Variants in AMZ1 observed in about 807,000 individuals in gnomAD.
The protein encoded by AMZ1 is archaemetzincin-1.
In AMZ1, 39 loss-of-function variants were observed where a neutral mutation model predicts 29.9. That is an observed-to-expected ratio of 1.30 (90% CI 1.01 to 1.70). AMZ1 has a LOEUF of 1.70. Among genes scored for constraint, AMZ1 ranks in the 40% most tolerant of loss-of-function variants. AMZ1 has a pLI of 0.00. For synonymous variants in AMZ1, 458 were observed against 304.0 expected (o/e 1.51, Z -5.27); for missense variants, 1,041 against 680.6 (o/e 1.53, Z -5.89).
intron 1 of AMZ1, among the ~76,000 whole-genome samples, chr7:2,681,941 A>G (rs1786897069): frequency 0.013 from 1 of 80 alleles, no homozygotes; most frequent in African/African-American, 0.038. Context: ...AGCCTTGCTG[A>G]GCCCATGGGA....
chr7:2,749,526 G>C (rs1174521703), intron 4 of AMZ1, among the ~76,000 whole-genome samples: 3 of 149,042 alleles, frequency 2.0e-5, no homozygotes, highest in Non-Finnish European at 4.5e-5. Context: ...TAGGGGGAGG[G>C]GGGAGGGATA....
chr7:2,731,536 T>G lies in AMZ1; in HGVS notation n.550+21720T>G, dbSNP rs1434085965. On this transcript the variant is annotated intron_variant and non_coding_transcript_variant, in intron 4 of 4. Transcript: ENST00000489665. The surrounding 1 kb of genome is among the most constrained non-coding windows in gnomAD (Gnocchi z 6.0). The stretch of plus-strand genomic sequence containing the variant: ...CTCCACCAGCCGGTTGGTGCGCCTG[T>G]CCTCCATGAGGACCTGGTCGTACTC... 6.2e-7 allele frequency: 1 copy of G among 1,611,576 alleles called. No individual in the cohort carries two copies. The highest frequency in any genetic ancestry group is 8.5e-7 in the Non-Finnish European group (1 of 1,178,186).
chr7:2,731,900 A>T lies in AMZ1; in HGVS notation n.550+22084A>T, dbSNP rs1330557774. 5.8e-6 allele frequency: 3 copies of T among 517,462 alleles called. No individual in the cohort carries two copies. Among genetic ancestry groups the T allele is most frequent in the Non-Finnish European group, 1.0e-5 (3 of 294,156 alleles). 32.1% of individuals were successfully genotyped at this position (517,462 alleles called of 1,614,324 possible). On this transcript the variant is annotated intron_variant and non_coding_transcript_variant, in intron 4 of 4. Coordinates refer to the AMZ1 transcript ENST00000489665. The surrounding 1 kb of genome is among the most constrained non-coding windows in gnomAD (Gnocchi z 6.0). Reference sequence around the variant, plus strand: ...ACCAAAAGCAAATTTCATTTATAACATTATCAACTGGCCGTGAAACAGAAA... The same window carrying T: ...ACCAAAAGCAAATTTCATTTATAACTTTATCAACTGGCCGTGAAACAGAAA...
rs117548800 is a variant in AMZ1, at chr7:2,694,015, C to G, written c.-219+5719C>G. On this transcript the variant is annotated intron_variant, in intron 1 of 6. Coordinates refer to ENST00000683327, the MANE Select transcript of AMZ1 (RefSeq NM_001384743.1). ...TGTTGGAAAACCCCCAGCACAGGGC[C>G]CAGCACCCAGGAAGCCCTTGGCAGC... Among the ~76,000 whole-genome samples, 903 of 152,320 alleles carry G rather than the reference C, an allele frequency of 5.9e-3. 8 individuals carry two copies. Among genetic ancestry groups the G allele is most frequent in the Non-Finnish European group, 0.011 (781 of 68,028 alleles).
chr7:2,721,626 G>C (rs796106602), downstream of AMZ1, among the ~76,000 whole-genome samples: 50 of 152,016 alleles, frequency 3.3e-4, no homozygotes, highest in African/African-American at 8.7e-4. Flanking sequence ...TGAGGCAGGA[G>C]AATGGTGTGA....
chr7:2,735,412 G>A (rs904618851), intron 4 of AMZ1, among the ~76,000 whole-genome samples: 4 of 152,144 alleles, frequency 2.6e-5, no homozygotes, highest in African/African-American at 9.7e-5. Flanking sequence ...TGGCACAGAT[G>A]CCCCAGCCAG....
chr7:2,689,268 C>T (rs770224455), intron 1 of AMZ1, among the ~76,000 whole-genome samples: 4 of 152,148 alleles, frequency 2.6e-5, no homozygotes, highest in Non-Finnish European at 5.9e-5. Flanking sequence ...GATGGGGGAG[C>T]ATGAGTGCCC....
chr7:2,752,952 G>C (rs1188033845), intron 4 of AMZ1, among the ~76,000 whole-genome samples: 1 of 152,144 alleles, frequency 6.6e-6, no homozygotes, highest in Non-Finnish European at 1.5e-5. Context: ...GCAATCAAGA[G>C]ACACAACTGT....
chr7:2,709,547 G>T, intron 5 of AMZ1, 93 bp from the exon 6 acceptor site: 9 of 1,515,448 alleles, frequency 5.9e-6, no homozygotes, highest in Non-Finnish European at 7.9e-6. Context: ...GCCTCACCCA[G>T]GTCCTCATTT....
chr7:2,709,099 G>C lies in AMZ1; in HGVS notation c.626G>C (p.Arg209Pro). 1 of 1,598,828 alleles carries C rather than the reference G, an allele frequency of 6.3e-7. No individual in the cohort carries two copies. The highest frequency in any genetic ancestry group is 8.5e-7 in the Non-Finnish European group (1 of 1,172,674). ...GHEVGVCSFA[R>P]FSGEFPKSGP... ...GAAGTGGGCGTCTGCAGCTTCGCCC[G>C]GTTCTCAGGGGAATTCCCGAAGTCG... The change falls in exon 5 of 7, where the codon CGG becomes CCG. Residue 209 changes from arginine (R) to proline (P), a missense_variant. Coordinates refer to ENST00000683327, the MANE Select transcript of AMZ1 (RefSeq NM_001384743.1).
intron 4 of AMZ1, among the ~76,000 whole-genome samples, chr7:2,727,210 T>C (rs1333752550): frequency 6.6e-6 from 1 of 151,820 alleles, no homozygotes; most frequent in African/African-American, 2.4e-5. Flanking sequence ...GCTTTCCGAG[T>C]AGCTAGGATT....
intron 4 of AMZ1, 72 bp from the exon 5 acceptor site, chr7:2,709,003 G>A (rs1788558657): frequency 1.3e-6 from 2 of 1,482,716 alleles, no homozygotes; most frequent in South Asian, 1.4e-5. Context: ...AGAGCATGAG[G>A]TGGGTTTGAC....
At chr7:2,710,858 C>G (rs1453345592) in intron 6 of AMZ1, among the ~76,000 whole-genome samples, 12 of 152,194 alleles carry the variant, frequency 7.9e-5, no homozygotes, top group Admixed American at 7.9e-4. Flanking sequence ...CCTGGTGATG[C>G]CTTGTAAAGG....
chr7:2,750,893 C>T lies in AMZ1; in HGVS notation n.551-13819C>T, dbSNP rs182310157. Among the ~76,000 whole-genome samples the T allele has an allele frequency of 1.4e-3, 208 of 152,130 alleles. 2 individuals carry two copies. The highest frequency in any genetic ancestry group is 4.5e-3 in the African/African-American group (188 of 41,496). ...GAAATAACTGATTAATATGAGGGTG[C>T]GAATGGAAAGGTGGACAGATGGGAA... On this transcript the variant is annotated intron_variant and non_coding_transcript_variant, in intron 4 of 4. Coordinates refer to the AMZ1 transcript ENST00000489665.
upstream of AMZ1, among the ~76,000 whole-genome samples, chr7:2,687,380 A>G (rs1787122724): frequency 6.6e-6 from 1 of 151,932 alleles, no homozygotes; most frequent in South Asian, 2.1e-4. Context: ...CGAATCCCTC[A>G]GCCATCTGTG....
chr7:2,746,373 A>G (rs1159995489), intron 4 of AMZ1, among the ~76,000 whole-genome samples: 2 of 152,060 alleles, frequency 1.3e-5, no homozygotes, highest in Non-Finnish European at 2.9e-5. Context: ...AGAAATCAAA[A>G]CCGCTCAACT....
intron 4 of AMZ1, among the ~76,000 whole-genome samples, chr7:2,748,396 A>G (rs1435847514): frequency 6.6e-6 from 1 of 152,240 alleles, no homozygotes; most frequent in East Asian, 1.9e-4. Context: ...CCTGACAGAA[A>G]CAAGCAATGG....
chr7:2,762,394 C>A (rs527495561), upstream of AMZ1: 6 of 453,424 alleles, frequency 1.3e-5, no homozygotes, highest in African/African-American at 8.1e-5. Flanking sequence ...ACTTTCCTCA[C>A]TGAGGAAACC....
rs1035606775 is a variant in AMZ1, at chr7:2,713,562, C to G, written c.*684C>G. The G allele has an allele frequency of 6.6e-6, 1 of 152,578 alleles. No individual in the cohort carries two copies. The highest frequency in any genetic ancestry group is 2.4e-5 in the African/African-American group (1 of 41,468). 9.5% of individuals were successfully genotyped at this position (152,578 alleles called of 1,614,324 possible). On this transcript the variant is annotated 3_prime_UTR_variant, in exon 7 of 7. Coordinates refer to ENST00000683327, the MANE Select transcript of AMZ1 (RefSeq NM_001384743.1). ...GGGCACACAGGCTCCACACTGCCAC[C>G]CAGCTTCCAAGGCTGAGTCTCCTCC...
Sources: gnomAD v4.1 joint callset for allele counts (sites outside exome capture counted in the v4.1 genomes callset) on GRCh38, gnomAD v4.1.1 for gene constraint, Gnocchi (gnomAD v3.1) non-coding constraint, MANE v1.5 for transcripts, NCBI Gene and HGNC (gene_info 2026-07-23, HGNC 2026-07-21) for gene names.